Variants in CBLB observed in about 807,000 individuals in gnomAD.
CBLB encodes E3 ubiquitin-protein ligase CBL-B.
In CBLB, 31 loss-of-function variants were observed where a neutral mutation model predicts 104.9. That is an observed-to-expected ratio of 0.30 (90% confidence interval 0.22 to 0.40). The LOEUF is 0.40. Ranked by LOEUF, CBLB falls within the 10% of genes least tolerant of loss-of-function variation. The pLI, the probability that CBLB is intolerant of heterozygous loss-of-function variation, is 1.00. For synonymous variants in CBLB, 440 were observed against 422.6 expected, an observed-to-expected ratio of 1.04 and a Z score of -0.51; for missense variants, 1,062 against 1,214.6, an observed-to-expected ratio of 0.87 and a Z score of 1.87.
At chr3:105,701,963 T>G in intron 12 of CBLB, 131 bp downstream of exon 12, 1 of 912,166 alleles carries the variant, frequency 1.1e-6, no homozygotes, top group Non-Finnish European at 1.7e-6. Flanking sequence ...ATTTATAACT[T>G]GGGGATAATT....
At chr3:105,819,224 C>T (rs1445747831) in intron 3 of CBLB, among the ~76,000 whole-genome samples, 3 of 152,180 alleles carry the variant, frequency 2.0e-5, no homozygotes, top group South Asian at 2.1e-4. Context: ...CAGTGGCTCA[C>T]GCCTGTAATC....
At chr3:105,825,003 T>G (rs553918053) in intron 3 of CBLB, among the ~76,000 whole-genome samples, 1 of 152,298 alleles carries the variant, frequency 6.6e-6, no homozygotes, top group South Asian at 2.1e-4. Flanking sequence ...TCTCCTCCTA[T>G]CCTAGATTAT....
At position 105,745,967 on chromosome 3, in the gene CBLB, T is replaced by C. The variant is rs2076065504; in HGVS notation, c.795A>G (p.Thr265=). 1 of 1,611,692 alleles carries C rather than the reference T, an allele frequency of 6.2e-7. No individual in the cohort carries two copies. Among genetic ancestry groups the C allele is most frequent in the Non-Finnish European group, 8.5e-7 (1 of 1,177,808 alleles). ...VTHPGYMAFL[T]YDEVKARLQK... is the part of the protein sequence containing the mutation. ...GTAGTCGTGCTTTAACTTCATCATA[T>C]GTGAGAAATGCCATGTAACCTGGAT... Residue 265 remains threonine, a synonymous_variant, in exon 6 of 19, where the codon ACA becomes ACG. Coordinates refer to ENST00000394030, the MANE Select transcript of CBLB (RefSeq NM_170662.5).
chr3:105,729,494 CAT>C (rs1261214906), intron 9 of CBLB, among the ~76,000 whole-genome samples: 3 of 152,002 alleles, frequency 2.0e-5, no homozygotes, highest in African/African-American at 7.2e-5. Flanking sequence ...CAAATTTAAT[CAT>C]ATAAAACAAA....
intron 6 of CBLB, among the ~76,000 whole-genome samples, chr3:105,741,685 G>A (rs1053347821): frequency 2.0e-5 from 3 of 151,952 alleles, no homozygotes; most frequent in Admixed American, 6.6e-5. Flanking sequence ...ATGAGCCACC[G>A]CGCCTGGCCA....
intron 3 of CBLB, among the ~76,000 whole-genome samples, chr3:105,785,189 AGTTT>A (rs1560229113): frequency 6.6e-6 from 1 of 152,220 alleles, no homozygotes. Context: ...ATCAAATAAA[AGTTT>A]GTTAATTTCA....
In CBLB at chr3:105,658,784, A is replaced by C; in HGVS notation, c.*186T>G. ...AAAATATGGCTAGCAAAAACAAGGA[A>C]GCCACAGCTGTCGACATCCTGAGCA... is the stretch of plus-strand genomic sequence containing the variant. On this transcript the variant is annotated 3_prime_UTR_variant, in exon 19 of 19. Transcript: ENST00000394030. 1 of 625,108 alleles carries C rather than the reference A, an allele frequency of 1.6e-6. No homozygotes were observed. 38.7% of individuals were successfully genotyped at this position (625,108 alleles called of 1,614,324 possible).
At chr3:105,850,598 A>G (rs910168482) in intron 3 of CBLB, among the ~76,000 whole-genome samples, 3 of 152,152 alleles carry the variant, frequency 2.0e-5, no homozygotes, top group Non-Finnish European at 2.9e-5. Context: ...AAACTCTATC[A>G]TTTTCCTTAT....
intron 3 of CBLB, among the ~76,000 whole-genome samples, chr3:105,833,309 T>C (rs2087862538): frequency 6.6e-6 from 1 of 152,180 alleles, no homozygotes; most frequent in Non-Finnish European, 1.5e-5. Flanking sequence ...TAATTACAAC[T>C]CATTCTGCAT....
At chr3:105,804,962 T>G (rs1015781575) in intron 3 of CBLB, among the ~76,000 whole-genome samples, 5 of 152,186 alleles carry the variant, frequency 3.3e-5, no homozygotes, top group African/African-American at 1.2e-4. Context: ...TATCAGTTCC[T>G]CTTCTTCACT....
intron 3 of CBLB, among the ~76,000 whole-genome samples, chr3:105,777,347 G>A (rs2079601826): frequency 6.6e-6 from 1 of 152,204 alleles, no homozygotes; most frequent in Non-Finnish European, 1.5e-5. Context: ...ATAAGAAATG[G>A]AGAGTCAGGC....
intron 3 of CBLB, among the ~76,000 whole-genome samples, chr3:105,795,939 G>GTC (rs1560278682): frequency 6.6e-6 from 1 of 151,704 alleles, no homozygotes; most frequent in Non-Finnish European, 1.5e-5. Context: ...AGACAGGCTT[G>GTC]TCTCTAACTC....
At chr3:105,851,271 A>G (rs961002564) in intron 3 of CBLB, among the ~76,000 whole-genome samples, 2 of 152,178 alleles carry the variant, frequency 1.3e-5, no homozygotes, top group Non-Finnish European at 2.9e-5. Flanking sequence ...AGGTGACAGA[A>G]GCCAATCTGA....
chr3:105,763,525 C>T (rs769183139), intron 4 of CBLB, among the ~76,000 whole-genome samples: 10 of 152,196 alleles, frequency 6.6e-5, no homozygotes, highest in Non-Finnish European at 1.5e-4. Context: ...CTCATTTTCT[C>T]TCATCTGCTG....
At chr3:105,759,901 C>T (rs998387943) in intron 4 of CBLB, among the ~76,000 whole-genome samples, 1 of 152,186 alleles carries the variant, frequency 6.6e-6, no homozygotes, top group Non-Finnish European at 1.5e-5. Flanking sequence ...AGCACACAGC[C>T]CTGGCCATGC....
At chr3:105,747,450 A>C (rs1039216098) in intron 5 of CBLB, among the ~76,000 whole-genome samples, 60 of 152,280 alleles carry the variant, frequency 3.9e-4, no homozygotes, top group African/African-American at 1.4e-3. Context: ...GATAACAAAG[A>C]ATGATTTAGT....
chr3:105,821,247 G>A (rs1352508590), intron 3 of CBLB, among the ~76,000 whole-genome samples: 2 of 127,566 alleles, frequency 1.6e-5, no homozygotes, highest in East Asian at 4.6e-4. Flanking sequence ...TTAAAGATCA[G>A]ATATCTATAT....
intron 18 of CBLB, among the ~76,000 whole-genome samples, chr3:105,665,442 TACAC>T (rs1159402124): frequency 1.0e-3 from 68 of 67,222 alleles, no homozygotes; most frequent in African/African-American, 2.7e-3. Context: ...TATATATATA[TACAC>T]ACACACACAC....
At chr3:105,776,257 AT>A in intron 4 of CBLB, 138 bp downstream of exon 4, 1 of 74,218 alleles carries the variant, frequency 1.3e-5, no homozygotes, top group Non-Finnish European at 3.8e-5. Context: ...AAAATTACCA[AT>A]CAATCAAAAT....
Sources: gnomAD v4.1 joint callset for allele counts (sites outside exome capture counted in the v4.1 genomes callset) on GRCh38, gnomAD v4.1.1 for gene constraint, MANE v1.5 for transcripts, NCBI Gene and HGNC (gene_info 2026-07-23, HGNC 2026-07-21) for gene names.